CMC1: variants seen among roughly 807,000 people sequenced by gnomAD.
The protein encoded by CMC1 is C-X9-C motif containing 1.
In CMC1, 14 loss-of-function variants were observed where a neutral mutation model predicts 14.1. That is an observed-to-expected ratio of 0.99 (90% confidence interval 0.66 to 1.55). The LOEUF (loss-of-function observed/expected upper bound fraction) is 1.55, where lower values mean the gene tolerates loss of function less well. CMC1 is among the 40% of genes most tolerant of loss of function. CMC1 has a pLI of 0.00. For synonymous variants in CMC1, 50 were observed against 38.4 expected, an observed-to-expected ratio of 1.30 and a Z score of -1.12; for missense variants, 127 against 123.8, an observed-to-expected ratio of 1.03 and a Z score of -0.12.
chr3:28,322,021 G>A lies in CMC1; in HGVS notation c.*2392G>A, dbSNP rs1189746542. 2 of 151,284 alleles carry A rather than the reference G, an allele frequency of 1.3e-5. No individual in the cohort carries two copies. The highest frequency in any genetic ancestry group is 3.0e-5 in the Non-Finnish European group (2 of 67,478). 9.4% of individuals were successfully genotyped at this position (151,284 alleles called of 1,614,324 possible). A position where few individuals can be genotyped will look rare whatever the true frequency, so the allele number is the denominator to read the frequency against. ...ATTTTAAATAGATTCATAAGCTACA[G>A]ATGGGCCACTGTTTTTTGGTTGTTT... is the stretch of plus-strand genomic sequence containing the variant. On this transcript the variant is annotated 3_prime_UTR_variant, in exon 4 of 4. Coordinates refer to ENST00000466830, the MANE Select transcript of CMC1 (RefSeq NM_182523.2).
At chr3:28,258,858 C>T (rs1315713082) in intron 1 of CMC1, among the ~76,000 whole-genome samples, 2 of 151,758 alleles carry the variant, frequency 1.3e-5, no homozygotes, top group South Asian at 2.1e-4. Context: ...TTCCTGACCT[C>T]GTGATCCGCC....
At chr3:28,252,770 T>C (rs1309142615) in intron 1 of CMC1, among the ~76,000 whole-genome samples, 2 of 152,214 alleles carry the variant, frequency 1.3e-5, no homozygotes, top group Admixed American at 6.5e-5. Context: ...GATCTTGGCA[T>C]TGGCACTTTA....
At chr3:28,275,271 G>A (rs1323354132) in intron 2 of CMC1, among the ~76,000 whole-genome samples, 2 of 146,182 alleles carry the variant, frequency 1.4e-5, no homozygotes, top group South Asian at 2.2e-4. Context: ...TGGGGTTTTT[G>A]TGAGGACCTT....
chr3:28,297,263 G>T (rs1701783087), intron 2 of CMC1: 1 of 152,006 alleles, frequency 6.6e-6, no homozygotes, highest in South Asian at 2.1e-4. Flanking sequence ...ATTTAGAGAG[G>T]TTTAGTAACT....
intron 2 of CMC1, among the ~76,000 whole-genome samples, chr3:28,293,440 G>T (rs1399547229): frequency 6.6e-6 from 1 of 152,042 alleles, no homozygotes; most frequent in Non-Finnish European, 1.5e-5. Flanking sequence ...GATTTCAAAT[G>T]ATTTGTAAGA....
intron 1 of CMC1, among the ~76,000 whole-genome samples, chr3:28,244,226 TATC>T (rs1698687356): frequency 2.0e-5 from 3 of 152,218 alleles, no homozygotes; most frequent in African/African-American, 7.2e-5. Context: ...ATGTGTTTAT[TATC>T]CTCGCTACAG....
At chr3:28,299,584 T>C (rs865779044) in intron 2 of CMC1, among the ~76,000 whole-genome samples, 126 of 152,252 alleles carry the variant, frequency 8.3e-4, no homozygotes, top group African/African-American at 2.7e-3. Context: ...AGTAGCAAGC[T>C]AATAAATCAC....
intron 2 of CMC1, among the ~76,000 whole-genome samples, chr3:28,299,248 A>G (rs1040554987): frequency 5.9e-5 from 9 of 152,118 alleles, no homozygotes; most frequent in African/African-American, 2.2e-4. Flanking sequence ...CTCGTGGCAT[A>G]TTGAAGATGC....
intron 2 of CMC1, among the ~76,000 whole-genome samples, chr3:28,292,530 C>G (rs1701525951): frequency 6.6e-6 from 1 of 152,170 alleles, no homozygotes; most frequent in Admixed American, 6.5e-5. Flanking sequence ...TATTTAAGGT[C>G]ACCTGGGTTT....
In CMC1 at chr3:28,241,772, A is replaced by T; in HGVS notation, c.-22A>T. ...CGTGCCCCGGAGCCGCCAAGCGGCT[A>T]CGTTCTTCTCGGCCCGCCGAGATGG... On this transcript the variant is annotated 5_prime_UTR_variant, in exon 1 of 4. Transcript: ENST00000466830. The T allele has an allele frequency of 8.1e-7, 1 of 1,241,688 alleles. No individual in the cohort carries two copies. Among genetic ancestry groups the T allele is most frequent in the South Asian group, 4.1e-5 (1 of 24,390 alleles). The allele number at this position is 1,241,688 out of a possible 1,614,324, so 76.9% of individuals were successfully genotyped here.
intron 2 of CMC1, among the ~76,000 whole-genome samples, chr3:28,268,790 C>T (rs1213720931): frequency 6.6e-6 from 1 of 152,104 alleles, no homozygotes; most frequent in Non-Finnish European, 1.5e-5. Flanking sequence ...GGTGTTATGC[C>T]AATGGAATCA....
At chr3:28,273,826 G>A (rs993202846) in intron 2 of CMC1, among the ~76,000 whole-genome samples, 1 of 152,184 alleles carries the variant, frequency 6.6e-6, no homozygotes, top group Admixed American at 6.5e-5. Flanking sequence ...AGCTCTTCTT[G>A]TTGAATGGAT....
At chr3:28,278,597 C>T (rs1181352128) in intron 2 of CMC1, among the ~76,000 whole-genome samples, 2 of 152,194 alleles carry the variant, frequency 1.3e-5, no homozygotes, top group Non-Finnish European at 2.9e-5. Flanking sequence ...CACTCTCCCT[C>T]CAGAAGAAAC....
In CMC1 at chr3:28,261,114, C is replaced by T. The variant is rs755348618; in HGVS notation, c.20-2177C>T. ...TTGTTCAAGTACTTCACAGTTTTAA[C>T]GAACTTAAATATATGTTTTTGTAAT... On this transcript the variant is annotated intron_variant, in intron 1 of 3. Transcript: ENST00000466830. 2.3e-4 allele frequency among the ~76,000 whole-genome samples: 35 copies of T among 151,398 alleles called. 1 individual carries two copies. The highest frequency in any genetic ancestry group is 8.2e-4 in the African/African-American group (34 of 41,214).
intron 1 of CMC1, among the ~76,000 whole-genome samples, chr3:28,251,687 T>G (rs1699133070): frequency 6.6e-6 from 1 of 152,216 alleles, no homozygotes; most frequent in Non-Finnish European, 1.5e-5. Context: ...TATTCCATTA[T>G]CAAAGTATTA....
intron 2 of CMC1, among the ~76,000 whole-genome samples, chr3:28,285,331 T>C (rs562739960): frequency 6.7e-6 from 1 of 150,084 alleles, no homozygotes; most frequent in Non-Finnish European, 1.5e-5. Flanking sequence ...GATGGAATTA[T>C]AATTTTGTTC....
chr3:28,304,389 G>T (rs1044612996), intron 2 of CMC1, among the ~76,000 whole-genome samples: 1 of 151,296 alleles, frequency 6.6e-6, no homozygotes, highest in African/African-American at 2.4e-5. Context: ...CTGTGAATAT[G>T]GATATAAGGA....
At chr3:28,273,925 G>C (rs1309226376) in intron 2 of CMC1, among the ~76,000 whole-genome samples, 1 of 152,074 alleles carries the variant, frequency 6.6e-6, no homozygotes, top group Non-Finnish European at 1.5e-5. Flanking sequence ...GCATTTTTCT[G>C]CTTTCCATTT....
At chr3:28,316,474 A>G (rs1702929897) in intron 3 of CMC1, 51 bp downstream of exon 3, 11 of 1,019,630 alleles carry the variant, frequency 1.1e-5, no homozygotes, top group Non-Finnish European at 1.6e-5. Context: ...GTGGTAGATA[A>G]GAGTATGTTA....
Sources: gnomAD v4.1 joint callset for allele counts (sites outside exome capture counted in the v4.1 genomes callset) on GRCh38, gnomAD v4.1.1 for gene constraint, MANE v1.5 for transcripts, NCBI Gene and HGNC (gene_info 2026-07-23, HGNC 2026-07-21) for gene names.